PRDM5: variants seen among roughly 807,000 people sequenced by gnomAD.
The protein encoded by PRDM5 is PR domain zinc finger protein 5.
A neutral mutation model predicts 81.2 loss-of-function variants in PRDM5; 56 were observed. The observed-to-expected ratio is 0.69, with a 90% CI of 0.56 to 0.86. The LOEUF (loss-of-function observed/expected upper bound fraction) is 0.86, where lower values mean the gene tolerates loss of function less well. Among genes scored for constraint, PRDM5 ranks in the 40% least tolerant of loss-of-function variants. The pLI is 0.00. For synonymous variants in PRDM5, 267 were observed against 256.4 expected (o/e 1.04, Z -0.39); for missense variants, 697 against 770.1 (o/e 0.91, Z 1.12).
chr4:120,844,621 ATC>A (rs1369484981), intron 3 of PRDM5, among the ~76,000 whole-genome samples: 4 of 151,996 alleles, frequency 2.6e-5, no homozygotes, highest in Admixed American at 1.3e-4. Context: ...CCCTTCCCCC[ATC>A]TCTCTCTCTC....
intron 2 of PRDM5, among the ~76,000 whole-genome samples, chr4:120,858,646 G>A (rs1004679945): frequency 2.6e-5 from 4 of 151,920 alleles, no homozygotes; most frequent in Non-Finnish European, 4.4e-5. Flanking sequence ...TCTACCTTCC[G>A]TCCCTCTGCC....
chr4:120,881,975 T>C (rs867381412), intron 2 of PRDM5, among the ~76,000 whole-genome samples: 1 of 152,292 alleles, frequency 6.6e-6, no homozygotes, highest in East Asian at 1.9e-4. Context: ...AATCTACAGA[T>C]CCTGTTGAAA....
chr4:120,697,946 A>G (rs1013685405), intron 15 of PRDM5, among the ~76,000 whole-genome samples: 2 of 72,412 alleles, frequency 2.8e-5, no homozygotes, highest in Non-Finnish European at 7.3e-5. Flanking sequence ...ATTAATAAGT[A>G]TACAAATAAA....
chr4:120,858,581 G>A lies in PRDM5; in HGVS notation c.178-5041C>T, dbSNP rs567540506. Among the ~76,000 whole-genome samples, 183 of 148,576 alleles carry A rather than the reference G, an allele frequency of 1.2e-3. 1 individual carries two copies. The highest frequency in any genetic ancestry group is 4.1e-3 in the African/African-American group (168 of 41,282). On this transcript the variant is annotated intron_variant, in intron 2 of 15. Transcript: ENST00000264808. ...TGTGCTTATGAACGCGTGCGTGCGC[G>A]CGCACGCACGCACACACACACACAC...
intron 14 of PRDM5, among the ~76,000 whole-genome samples, chr4:120,751,668 C>T (rs1416360777): frequency 3.3e-5 from 5 of 152,204 alleles, no homozygotes; most frequent in Non-Finnish European, 5.9e-5. Flanking sequence ...GCCTTCACCT[C>T]AAACCCTGGT....
chr4:120,826,666 A>G (rs1756035081), intron 3 of PRDM5, among the ~76,000 whole-genome samples: 1 of 152,106 alleles, frequency 6.6e-6, no homozygotes, highest in Admixed American at 6.6e-5. Flanking sequence ...CTTTTCCTTT[A>G]TTTATTTACA....
chr4:120,850,773 C>A (rs1232900082), intron 3 of PRDM5, among the ~76,000 whole-genome samples: 1 of 152,064 alleles, frequency 6.6e-6, no homozygotes, highest in Admixed American at 6.6e-5. Flanking sequence ...TACCTGTCAT[C>A]TTTTGTGATT....
At chr4:120,769,142 T>C (rs1746849605) in intron 13 of PRDM5, among the ~76,000 whole-genome samples, 1 of 152,246 alleles carries the variant, frequency 6.6e-6, no homozygotes, top group African/African-American at 2.4e-5. Flanking sequence ...TCCTTTTTAC[T>C]ATCATACAGG....
intron 1 of PRDM5, among the ~76,000 whole-genome samples, chr4:120,913,874 A>C (rs1238282557): frequency 6.6e-6 from 1 of 152,178 alleles, no homozygotes; most frequent in African/African-American, 2.4e-5. Flanking sequence ...ATGCCCACAA[A>C]AGTACAAGGA....
chr4:120,798,775 G>C (rs1751694454), intron 9 of PRDM5, among the ~76,000 whole-genome samples: 1 of 152,188 alleles, frequency 6.6e-6, no homozygotes, highest in South Asian at 2.1e-4. Flanking sequence ...CAGAGATGGA[G>C]ACAAAGAACA....
At chr4:120,780,601 C>T (rs774126369) in intron 12 of PRDM5, among the ~76,000 whole-genome samples, 2 of 152,006 alleles carry the variant, frequency 1.3e-5, no homozygotes, top group Non-Finnish European at 2.9e-5. Flanking sequence ...AAGACACACA[C>T]AAAAAAATCT....
At position 120,914,540 on chromosome 4, in the gene PRDM5, A is replaced by G. The variant is rs2148704942; in HGVS notation, c.94-6983T>C. ...GTAATTTATAAAGGAAAGAGGTTTA[A>G]TTGGCTCACAGTTCCACATTGCTAG... On this transcript the variant is annotated intron_variant, in intron 1 of 15. Transcript: ENST00000264808. Among the ~76,000 whole-genome samples the G allele has an allele frequency of 2.0e-5, 3 of 152,340 alleles. No individual in the cohort carries two copies. The Middle Eastern group carries it at 0.01, about 518-fold the overall frequency.
chr4:120,783,212 A>G (rs531759050), intron 11 of PRDM5, among the ~76,000 whole-genome samples: 1 of 152,142 alleles, frequency 6.6e-6, no homozygotes, highest in Non-Finnish European at 1.5e-5. Context: ...TATTTTAGCC[A>G]TTTCTGGTTT....
In PRDM5 at chr4:120,748,258, G is replaced by C. The variant is rs75690452; in HGVS notation, c.1623+6295C>G. ...AACAGAGATAAGAAGGGAAAGGTCT[G>C]GCAGCATACCTGGGGTACCCCCAAG... On this transcript the variant is annotated intron_variant, in intron 14 of 15. Transcript: ENST00000264808. 7.7e-3 allele frequency among the ~76,000 whole-genome samples: 1,177 copies of C among 152,276 alleles called. 22 individuals are homozygous for C. The highest frequency in any genetic ancestry group is 0.02 in the Middle Eastern group (6 of 294).
intron 15 of PRDM5, among the ~76,000 whole-genome samples, chr4:120,697,103 C>G (rs766391569): frequency 6.6e-6 from 1 of 151,904 alleles, no homozygotes; most frequent in Non-Finnish European, 1.5e-5. Context: ...TATTAAGTAC[C>G]CTTATTAAAA....
At chr4:120,845,470 G>A (rs1326372325) in intron 3 of PRDM5, among the ~76,000 whole-genome samples, 1 of 152,048 alleles carries the variant, frequency 6.6e-6, no homozygotes, top group Non-Finnish European at 1.5e-5. Context: ...ATGTTTTATC[G>A]ATGGAATAAC....
Position 120,693,371 on chromosome 4 carries a change from A to G in PRDM5, c.*1740T>C, listed in dbSNP as rs1734205544. ...TTTTTATATTCAAATGATATTAAAC[A>G]CACTATCATATTAAAATGAAAACAC... On this transcript the variant is annotated 3_prime_UTR_variant, in exon 16 of 16. Coordinates refer to ENST00000264808, the MANE Select transcript of PRDM5 (RefSeq NM_018699.4). 6.6e-6 allele frequency: 1 copy of G among 152,154 alleles called. No individual in the cohort carries two copies. Among genetic ancestry groups the G allele is most frequent in the Admixed American group, 6.6e-5 (1 of 15,242 alleles). 9.4% of individuals were successfully genotyped at this position (152,154 alleles called of 1,614,324 possible).
chr4:120,897,810 T>C (rs1352579216), intron 2 of PRDM5, among the ~76,000 whole-genome samples: 1 of 152,248 alleles, frequency 6.6e-6, no homozygotes, highest in East Asian at 1.9e-4. Context: ...TTCAATTTGT[T>C]AGTAAAATTC....
At chr4:120,720,528 C>G (rs536059045) in intron 14 of PRDM5, among the ~76,000 whole-genome samples, 16 of 152,222 alleles carry the variant, frequency 1.1e-4, no homozygotes, top group Non-Finnish European at 1.9e-4. Context: ...AACAGAGCTA[C>G]AGCCCACAGT....
Sources: allele counts gnomAD v4.1 joint callset (sites outside exome capture counted in the v4.1 genomes callset), GRCh38; gene constraint gnomAD v4.1.1; transcripts MANE v1.5; gene names NCBI Gene and HGNC (gene_info 2026-07-23, HGNC 2026-07-21).